Variants in PKIG observed in about 807,000 individuals in gnomAD.
PKIG encodes the protein protein kinase (cAMP-dependent, catalytic) inhibitor gamma.
PKIG carries 1 observed loss-of-function variant against 6.8 expected under a neutral mutation model. That is an observed-to-expected ratio of 0.15 (90% CI 0.05 to 0.69). The LOEUF (loss-of-function observed/expected upper bound fraction) is 0.69, where lower values mean the gene tolerates loss of function less well. PKIG is among the 30% of genes least tolerant of loss of function. The pLI is 0.82. For synonymous variants in PKIG, 39 were observed against 43.0 expected (o/e 0.91, Z 0.36); for missense variants, 77 against 104.0 (o/e 0.74, Z 1.13).
chr20:44,577,016 A>C (rs991514452), intron 1 of PKIG, among the ~76,000 whole-genome samples: 46 of 152,256 alleles, frequency 3.0e-4, no homozygotes, highest in African/African-American at 1.1e-3. Context: ...CCAAAAAAAT[A>C]CGTTGAGCAA....
chr20:44,558,517 T>C (rs1031427709), intron 1 of PKIG, among the ~76,000 whole-genome samples: 1 of 152,076 alleles, frequency 6.6e-6, no homozygotes, highest in African/African-American at 2.4e-5. Context: ...TTCTATTCCA[T>C]TCCTACTGCC....
At chr20:44,566,429 T>C (rs2064811335) in intron 1 of PKIG, among the ~76,000 whole-genome samples, 2 of 152,264 alleles carry the variant, frequency 1.3e-5, no homozygotes, top group Non-Finnish European at 2.9e-5. Flanking sequence ...TTTCAAACTT[T>C]TTGACTTTGA....
At chr20:44,599,452 C>T (rs772027713) in intron 2 of PKIG, among the ~76,000 whole-genome samples, 5 of 152,142 alleles carry the variant, frequency 3.3e-5, no homozygotes, top group African/African-American at 7.2e-5. Context: ...GGCCAGGCAC[C>T]GTGGCTCAAG....
At chr20:44,557,044 C>G (rs1006241881) in intron 1 of PKIG, among the ~76,000 whole-genome samples, 1 of 152,040 alleles carries the variant, frequency 6.6e-6, no homozygotes, top group Non-Finnish European at 1.5e-5. Flanking sequence ...AAAAGGGGGC[C>G]ATGCATCTAT....
rs1362827845 is a variant in PKIG at position 44,558,691 on chromosome 20, T to C, written c.-240-23894T>C. ...TCTCTCTCTTTCTTTCTTTCTCTTT[T>C]TCTCTCTCTTCTCTTTCTTTCTTCC... is the stretch of plus-strand genomic sequence containing the variant. On this transcript the variant is annotated intron_variant, in intron 1 of 4. Coordinates refer to the PKIG transcript ENST00000372887. 4.6e-5 allele frequency among the ~76,000 whole-genome samples: 7 copies of C among 151,318 alleles called. No individual in the cohort carries two copies. The East Asian group carries it at 1.4e-3, about 29-fold the overall frequency.
intron 2 of PKIG, among the ~76,000 whole-genome samples, chr20:44,610,460 C>G (rs981780714): frequency 1.4e-5 from 2 of 146,328 alleles, no homozygotes; most frequent in Non-Finnish European, 3.0e-5. Context: ...CTGTCTCTCT[C>G]TTTCTCTCTC....
At chr20:44,561,153 T>C (rs951621105) in intron 1 of PKIG, among the ~76,000 whole-genome samples, 1 of 151,994 alleles carries the variant, frequency 6.6e-6, no homozygotes, top group Non-Finnish European at 1.5e-5. Context: ...CTGACCAACA[T>C]AGTGAAACCC....
At chr20:44,540,874 G>C (rs577785293) in intron 1 of PKIG, among the ~76,000 whole-genome samples, 1 of 152,178 alleles carries the variant, frequency 6.6e-6, no homozygotes, top group African/African-American at 2.4e-5. Context: ...GAGCCACTGC[G>C]CCTGGCCGTA....
chr20:44,534,413 C>T (rs558500996), intron 1 of PKIG, among the ~76,000 whole-genome samples: 51 of 151,270 alleles, frequency 3.4e-4, no homozygotes, highest in Non-Finnish European at 5.7e-4. Context: ...TTTTCATTGT[C>T]GGCAGATAGC....
rs569173110 is a variant in PKIG, at chr20:44,617,704, A to G, written c.152-581A>G. Among the ~76,000 whole-genome samples the G allele has an allele frequency of 6.4e-4, 97 of 152,084 alleles. 1 individual carries two copies. In the Middle Eastern group the frequency reaches 0.01, roughly 16 times the overall value. On this transcript the variant is annotated intron_variant, in intron 3 of 3. Transcript: ENST00000372886. ...CCCCACAGACTCTGATGCAGGCCACACCCTGGCGCTCCCTGAGCTGGCCTG... is the reference window on the plus strand; with the variant it reads ...CCCCACAGACTCTGATGCAGGCCACGCCCTGGCGCTCCCTGAGCTGGCCTG...
chr20:44,586,155 C>T (rs1233248094), intron 1 of PKIG, among the ~76,000 whole-genome samples: 1 of 152,334 alleles, frequency 6.6e-6, no homozygotes, highest in Non-Finnish European at 1.5e-5. Flanking sequence ...ATAGAACCTA[C>T]TTCTCTTTCT....
At chr20:44,543,184 C>T (rs976240444) in intron 1 of PKIG, among the ~76,000 whole-genome samples, 3 of 152,130 alleles carry the variant, frequency 2.0e-5, no homozygotes, top group Admixed American at 6.5e-5. Flanking sequence ...TATGAGAGTT[C>T]CTTGTTTCTT....
At chr20:44,603,181 A>G (rs913724365) in intron 2 of PKIG, among the ~76,000 whole-genome samples, 1 of 152,200 alleles carries the variant, frequency 6.6e-6, no homozygotes, top group African/African-American at 2.4e-5. Context: ...TAAAGCACCA[A>G]AGAAGGAAGT....
chr20:44,582,446 G>A (rs2064956405), upstream of PKIG: 1 of 152,326 alleles, frequency 6.6e-6, no homozygotes. Flanking sequence ...TCTCTCCTGT[G>A]GACAGAGAGG....
intron 1 of PKIG, among the ~76,000 whole-genome samples, chr20:44,565,411 G>A (rs1390073917): frequency 6.6e-6 from 1 of 152,232 alleles, no homozygotes; most frequent in African/African-American, 2.4e-5. Flanking sequence ...TAAGCAGAAA[G>A]GTAGTTTTAA....
exon 1 of PKIG, chr20:44,531,928 G>A (rs1290395024): frequency 1.3e-5 from 2 of 152,192 alleles, no homozygotes; most frequent in African/African-American, 4.8e-5. Context: ...GCTGCCCCGG[G>A]GAGGCGCTGC....
At chr20:44,616,069 T>C (rs1289535434) in intron 3 of PKIG, among the ~76,000 whole-genome samples, 2 of 152,150 alleles carry the variant, frequency 1.3e-5, no homozygotes, top group Non-Finnish European at 2.9e-5. Flanking sequence ...TCGCCAGCCA[T>C]AGTCAAGTAC....
chr20:44,536,104 C>T (rs2064509971), intron 1 of PKIG, among the ~76,000 whole-genome samples: 1 of 152,200 alleles, frequency 6.6e-6, no homozygotes, highest in African/African-American at 2.4e-5. Context: ...GCATAGTGTC[C>T]TCAAGGTTCA....
At chr20:44,585,253 G>A (rs532413184) in intron 1 of PKIG, 1 of 152,470 alleles carries the variant, frequency 6.6e-6, no homozygotes, top group East Asian at 1.9e-4. Context: ...CTTGTTTTGT[G>A]TGTCAAAGTT....
Sources: gnomAD v4.1 joint callset for allele counts (sites outside exome capture counted in the v4.1 genomes callset) on GRCh38, gnomAD v4.1.1 for gene constraint, MANE v1.5 for transcripts, NCBI Gene and HGNC (gene_info 2026-07-23, HGNC 2026-07-21) for gene names.